GFOD1: variants seen among roughly 807,000 people sequenced by gnomAD.
GFOD1 encodes the protein Gfo/Idh/MocA-like oxidoreductase domain containing 1, also known as glucose-fructose oxidoreductase domain-containing protein 1.
A neutral mutation model predicts 25.4 loss-of-function variants in GFOD1; 9 were observed. The ratio of observed to expected loss-of-function variants is 0.35; its 90% CI spans 0.21 to 0.62. The LOEUF (loss-of-function observed/expected upper bound fraction) is 0.62. Among genes scored for constraint, GFOD1 ranks in the 20% least tolerant of loss-of-function variants. GFOD1 has a pLI of 0.72. For missense variants in GFOD1, 403 were observed against 556.9 expected, an observed-to-expected ratio of 0.72 and a Z score of 2.78; for synonymous variants, 253 against 245.6, an observed-to-expected ratio of 1.03 and a Z score of -0.28.
At chr6:13,443,128 G>T (rs1757943127) in intron 1 of GFOD1, among the ~76,000 whole-genome samples, 1 of 152,210 alleles carries the variant, frequency 6.6e-6, no homozygotes, top group African/African-American at 2.4e-5. Context: ...CAAGACTTCA[G>T]TGGGGGAAGT....
chr6:13,431,244 A>G (rs1009769938), intron 1 of GFOD1, among the ~76,000 whole-genome samples: 16 of 152,224 alleles, frequency 1.1e-4, no homozygotes, highest in Admixed American at 9.8e-4. Flanking sequence ...ATGGTGTCCA[A>G]TCTTTACCAC....
chr6:13,396,153 C>T (rs1785724834), intron 1 of GFOD1, among the ~76,000 whole-genome samples: 1 of 152,200 alleles, frequency 6.6e-6, no homozygotes, highest in Admixed American at 6.5e-5. Context: ...ACGTAGCTCA[C>T]TAGAAATCCT....
chr6:13,404,367 G>C (rs1161266938), intron 1 of GFOD1, among the ~76,000 whole-genome samples: 1 of 152,192 alleles, frequency 6.6e-6, no homozygotes, highest in Non-Finnish European at 1.5e-5. Flanking sequence ...ACTTGCCTAA[G>C]CTTCCTGCCT....
intron 1 of GFOD1, among the ~76,000 whole-genome samples, chr6:13,425,498 T>C (rs1025534252): frequency 2.0e-5 from 3 of 152,196 alleles, no homozygotes; most frequent in Admixed American, 6.5e-5. Flanking sequence ...ATTAGGAGGA[T>C]TGGGAAACAG....
intron 1 of GFOD1, among the ~76,000 whole-genome samples, chr6:13,431,799 C>T (rs116497446): frequency 8.5e-5 from 13 of 152,340 alleles, no homozygotes; most frequent in Non-Finnish European, 1.5e-4. Flanking sequence ...ATGTCACCAG[C>T]TAAAAATCTC....
At chr6:13,458,651 GGTT>G (rs1176009411) in intron 1 of GFOD1, among the ~76,000 whole-genome samples, 11 of 148,262 alleles carry the variant, frequency 7.4e-5, no homozygotes, top group Non-Finnish European at 1.0e-4. Context: ...TGCATTATAG[GGTT>G]GTTGGGACCT....
chr6:13,406,435 G>T (rs1562208311), intron 1 of GFOD1, among the ~76,000 whole-genome samples: 1 of 151,182 alleles, frequency 6.6e-6, no homozygotes, highest in Non-Finnish European at 1.5e-5. Context: ...CAAATACAAG[G>T]TAACACGGCT....
At chr6:13,410,014 T>TTG (rs1301121752) in intron 1 of GFOD1, among the ~76,000 whole-genome samples, 2 of 149,526 alleles carry the variant, frequency 1.3e-5, no homozygotes, top group East Asian at 1.9e-4. Context: ...AGTTTTTTTT[T>TTG]TTTTTTTTTT....
rs1785532227 is a variant in GFOD1, at chr6:13,389,053, A to C, written c.254-23391T>G. Among the ~76,000 whole-genome samples the C allele has an allele frequency of 2.0e-5, 3 of 152,362 alleles. No individual in the cohort carries two copies. In the South Asian group the frequency reaches 6.2e-4, roughly 32 times the overall value. ...GGTCATCAGAGAAATGCAAATCAAA[A>C]CCACAATGAGATACCATCTCACACC... On this transcript the variant is annotated intron_variant, in intron 1 of 1. Coordinates refer to ENST00000379287, the MANE Select transcript of GFOD1 (RefSeq NM_018988.4).
rs1758892176 is a variant in GFOD1, at chr6:13,487,163, C to A, written c.-273G>T. On this transcript the variant is annotated 5_prime_UTR_variant, in exon 1 of 2. Coordinates refer to ENST00000379287, the MANE Select transcript of GFOD1 (RefSeq NM_018988.4). This position sits in a 1 kb window ranked among gnomAD's most constrained non-coding sequence, Gnocchi z 4.9. ...GTCGGCGGCAGGGACCCCCCCAGGG[C>A]GCCGGAGGCTTCGAAGCCCCCTGGA... The A allele has an allele frequency of 2.4e-6, 1 of 417,372 alleles. No homozygotes were observed. Among genetic ancestry groups the A allele is most frequent in the Non-Finnish European group, 4.2e-6 (1 of 237,392 alleles). 25.9% of individuals were successfully genotyped at this position (417,372 alleles called of 1,614,324 possible).
chr6:13,377,307 A>T (rs572646825), intron 1 of GFOD1, among the ~76,000 whole-genome samples: 2 of 152,318 alleles, frequency 1.3e-5, no homozygotes, highest in East Asian at 3.9e-4. Context: ...ACTGCTTTTC[A>T]GTTCTCTAGA....
In GFOD1 at chr6:13,467,855, T is replaced by C. The variant is rs78554891; in HGVS notation, c.253+18783A>G. On this transcript the variant is annotated intron_variant, in intron 1 of 1. Transcript: ENST00000379287. ...ATTACTCTCCTAAACAACGGGAGAG[T>C]CCCTAGACCTTTATTCAACCACTTC... 1.8e-4 allele frequency among the ~76,000 whole-genome samples: 28 copies of C among 151,818 alleles called. No individual in the cohort carries two copies. In the East Asian group the frequency reaches 5.2e-3, roughly 28 times the overall value.
intron 1 of GFOD1, chr6:13,470,225 C>T (rs777090928): frequency 6.3e-7 from 1 of 1,595,890 alleles, no homozygotes; most frequent in Non-Finnish European, 8.6e-7. Context: ...GGTCTGGGGA[C>T]TGGAAAGAAG....
intron 1 of GFOD1, among the ~76,000 whole-genome samples, chr6:13,380,767 A>C (rs1214887327): frequency 6.6e-6 from 1 of 152,206 alleles, no homozygotes; most frequent in Non-Finnish European, 1.5e-5. Context: ...TTGCAAGCTG[A>C]TATTTTCATA....
chr6:13,436,927 T>G (rs1757841969), intron 1 of GFOD1, among the ~76,000 whole-genome samples: 1 of 152,170 alleles, frequency 6.6e-6, no homozygotes. Context: ...GTTCAGAGCT[T>G]TGTGCAGAGC....
At chr6:13,399,196 G>A (rs1366714010) in intron 1 of GFOD1, among the ~76,000 whole-genome samples, 1 of 152,060 alleles carries the variant, frequency 6.6e-6, no homozygotes. Context: ...GGGGTGGCAT[G>A]TAGGGACAGT....
chr6:13,403,632 C>A (rs1051727794), intron 1 of GFOD1, among the ~76,000 whole-genome samples: 1 of 152,126 alleles, frequency 6.6e-6, no homozygotes, highest in Non-Finnish European at 1.5e-5. Context: ...CCATCATTAA[C>A]TGAAACATTG....
intron 1 of GFOD1, among the ~76,000 whole-genome samples, chr6:13,440,480 C>T (rs1480901078): frequency 6.6e-6 from 1 of 152,168 alleles, no homozygotes; most frequent in Non-Finnish European, 1.5e-5. Context: ...CATGAGCCAC[C>T]GTGTGTGGCC....
rs530360997 is a variant in GFOD1 at position 13,377,018 on chromosome 6, GTT to G, written c.254-11358_254-11357del. 9.6e-3 allele frequency among the ~76,000 whole-genome samples: 1,339 copies of G among 139,968 alleles called. 19 individuals are homozygous for G. The highest frequency in any genetic ancestry group is 0.033 in the African/African-American group (1,275 of 38,568). 91.8% of individuals were successfully genotyped at this position (139,968 alleles called of 152,430 possible). ...ACAAGTGTATTTACCCAGCAGATAT[GTT>G]TTTTTTTTTTTTTTAAAAGCCAATA... On this transcript the variant is annotated intron_variant, in intron 1 of 1. Coordinates refer to ENST00000379287, the MANE Select transcript of GFOD1 (RefSeq NM_018988.4).
Sources: allele counts gnomAD v4.1 joint callset (sites outside exome capture counted in the v4.1 genomes callset), GRCh38; gene constraint gnomAD v4.1.1; non-coding constraint Gnocchi (gnomAD v3.1); transcripts MANE v1.5; gene names NCBI Gene and HGNC (gene_info 2026-07-23, HGNC 2026-07-21).